The following MAP2 variants were observed in gnomAD, a reference collection of about 807,000 sequenced individuals.
MAP2 encodes the protein microtubule-associated protein 2.
Under a neutral mutation model 137.6 loss-of-function variants are expected in MAP2, and 14 were observed. The observed-to-expected ratio is 0.10, with a 90% CI of 0.07 to 0.16. The LOEUF is 0.16. MAP2 is among the 10% of genes least tolerant of loss of function. MAP2 has a pLI of 1.00. For missense variants in MAP2, 2,088 were observed against 2,191.5 expected (o/e 0.95, Z 0.94); for synonymous variants, 786 against 782.3 (o/e 1.00, Z -0.08).
intron 11 of MAP2, 21 bp downstream of exon 11, chr2:209,700,359 C>T (rs1199297513): frequency 6.3e-7 from 1 of 1,591,252 alleles, no homozygotes; most frequent in Middle Eastern, 1.7e-4. Context: ...TAAGTTTTTC[C>T]TTGTTCTTCA....
chr2:209,474,980 C>G (rs1044273933), intron 1 of MAP2, among the ~76,000 whole-genome samples: 2 of 151,932 alleles, frequency 1.3e-5, no homozygotes, highest in African/African-American at 4.8e-5. Context: ...GGTTTTCACT[C>G]TAGTATTATT....
At chr2:209,514,193 G>C (rs1051759519) in intron 2 of MAP2, among the ~76,000 whole-genome samples, 1 of 151,792 alleles carries the variant, frequency 6.6e-6, no homozygotes, top group East Asian at 1.9e-4. Flanking sequence ...TTAATACAAA[G>C]ATATTAATAT....
intron 1 of MAP2, among the ~76,000 whole-genome samples, chr2:209,499,773 G>C (rs1470268582): frequency 6.6e-6 from 1 of 152,086 alleles, no homozygotes; most frequent in Non-Finnish European, 1.5e-5. Flanking sequence ...GAGACAGGGG[G>C]TGGGGAGGAA....
intron 1 of MAP2, among the ~76,000 whole-genome samples, chr2:209,448,479 G>T (rs1019543346): frequency 2.0e-5 from 3 of 152,088 alleles, no homozygotes; most frequent in Admixed American, 1.3e-4. Context: ...TCTTGTAGCT[G>T]CCATAAGAAA....
chr2:209,500,588 T>C (rs2060254910), intron 1 of MAP2, among the ~76,000 whole-genome samples: 2 of 152,152 alleles, frequency 1.3e-5, no homozygotes, highest in Non-Finnish European at 2.9e-5. Context: ...CTTGTGACAA[T>C]AGGAATTTTT....
chr2:209,543,115 C>A (rs1292634933), intron 2 of MAP2, among the ~76,000 whole-genome samples: 1 of 152,016 alleles, frequency 6.6e-6, no homozygotes, highest in Non-Finnish European at 1.5e-5. Flanking sequence ...ATTTAAAAGT[C>A]ATGGTAGAGT....
intron 13 of MAP2, among the ~76,000 whole-genome samples, chr2:209,723,957 C>A (rs947760353): frequency 2.0e-5 from 3 of 152,172 alleles, no homozygotes; most frequent in Non-Finnish European, 4.4e-5. Context: ...AATGGCAAAA[C>A]CACTTCACTT....
intron 2 of MAP2, among the ~76,000 whole-genome samples, chr2:209,545,446 T>C (rs2067861035): frequency 6.6e-6 from 1 of 152,162 alleles, no homozygotes; most frequent in Non-Finnish European, 1.5e-5. Flanking sequence ...AGTGTAGAGC[T>C]TTGAATAAAC....
chr2:209,654,465 T>C lies in MAP2; in HGVS notation c.262+1033T>C, dbSNP rs1350371288. Reference sequence around the variant, plus strand: ...GTGGTTGAGAATAAAATAAAAATATTATTTGCACATTTCATGGTTACAATG... The same window carrying C: ...GTGGTTGAGAATAAAATAAAAATATCATTTGCACATTTCATGGTTACAATG... On this transcript the variant is annotated intron_variant, in intron 5 of 15. Coordinates refer to ENST00000682079, the MANE Select transcript of MAP2 (RefSeq NM_001375505.1). 2.0e-5 allele frequency among the ~76,000 whole-genome samples: 3 copies of C among 152,212 alleles called. No homozygotes were observed. In the South Asian group the frequency reaches 6.2e-4, roughly 32 times the overall value.
intron 2 of MAP2, among the ~76,000 whole-genome samples, chr2:209,576,417 T>A (rs1292771268): frequency 9.3e-5 from 14 of 151,300 alleles, no homozygotes; most frequent in Admixed American, 9.2e-4. Context: ...CTAATTTTTG[T>A]ATTTTTTTTT....
At chr2:209,534,485 G>T (rs78283995) in intron 2 of MAP2, among the ~76,000 whole-genome samples, 3 of 152,074 alleles carry the variant, frequency 2.0e-5, no homozygotes, top group Non-Finnish European at 4.4e-5. Context: ...ACGGGGGTGG[G>T]TGGGAGGCAG....
chr2:209,588,231 A>C (rs181474361), intron 3 of MAP2, among the ~76,000 whole-genome samples: 2 of 152,352 alleles, frequency 1.3e-5, no homozygotes, highest in East Asian at 3.9e-4. Context: ...TCAATTGTTA[A>C]GAGTCTCAGA....
At chr2:209,677,362 ATAGG>A (rs897495487) in intron 5 of MAP2, among the ~76,000 whole-genome samples, 12 of 151,826 alleles carry the variant, frequency 7.9e-5, no homozygotes, top group Admixed American at 3.9e-4. Flanking sequence ...AGGCAGGCAG[ATAGG>A]TAGGTAGATA....
chr2:209,478,846 G>A (rs557607215), intron 1 of MAP2, among the ~76,000 whole-genome samples: 6 of 152,178 alleles, frequency 3.9e-5, no homozygotes, highest in South Asian at 2.1e-4. Context: ...GAAATTGCCC[G>A]TATTTTCATC....
At chr2:209,606,255 T>G (rs544237063) in intron 3 of MAP2, among the ~76,000 whole-genome samples, 2 of 152,322 alleles carry the variant, frequency 1.3e-5, no homozygotes, top group East Asian at 3.9e-4. Flanking sequence ...TGAAGACTGT[T>G]TCTAAATATG....
At chr2:209,675,237 TA>T (rs1341884458) in intron 5 of MAP2, among the ~76,000 whole-genome samples, 5 of 151,912 alleles carry the variant, frequency 3.3e-5, no homozygotes, top group African/African-American at 7.2e-5. Context: ...TCCCTTGGAT[TA>T]TTTTTTTTAA....
At chr2:209,711,413 TG>T (rs2153771843) in intron 13 of MAP2, among the ~76,000 whole-genome samples, 1 of 152,270 alleles carries the variant, frequency 6.6e-6, no homozygotes, top group South Asian at 2.1e-4. Flanking sequence ...TTTATGGCTC[TG>T]TAAGGGAAAG....
chr2:209,729,930 G>A lies in MAP2; in HGVS notation c.5236G>A (p.Ala1746Thr), dbSNP rs1479300687. 1 of 1,612,672 alleles carries A rather than the reference G, an allele frequency of 6.2e-7. No homozygotes were observed. ...AQAKVGSLDN[A>T]HHVPGGGNVK... is the part of the protein sequence containing the mutation. ...AGCTAAAGTTGGTTCTCTTGATAAT[G>A]CTCATCATGTACCTGGAGGTGGTAA... The change falls in exon 15 of 16, where the codon GCT becomes ACT. Residue 1746 changes from alanine to threonine, a missense_variant. Around this residue, in one of 6 missense-constraint regions of MAP2, gnomAD observed 112 missense variants for 201.0 expected, o/e 0.56. Coordinates refer to ENST00000682079, the MANE Select transcript of MAP2 (RefSeq NM_001375505.1).
chr2:209,695,886 T>C lies in MAP2; in HGVS notation c.3716T>C (p.Ile1239Thr), dbSNP rs200437236. 2.5e-6 allele frequency: 4 copies of C among 1,613,954 alleles called. No homozygotes were observed. The highest frequency in any genetic ancestry group is 3.4e-6 in the Non-Finnish European group (4 of 1,180,006). Residue 1239 changes from isoleucine to threonine, a missense_variant, in exon 8 of 16, where the codon ATA becomes ACA. Coordinates refer to ENST00000682079, the MANE Select transcript of MAP2 (RefSeq NM_001375505.1). ...GAGATTCAGAGTGAGGAAGAAGAGA[T>C]AGAAGCCCAGGGAGAATATGATAAA... ...PAEIQSEEEE[I>T]EAQGEYDKLL...
Sources: gnomAD v4.1 joint callset for allele counts (sites outside exome capture counted in the v4.1 genomes callset) on GRCh38, gnomAD v4.1.1 for gene constraint, gnomAD v4.1.1 regional missense constraint, MANE v1.5 for transcripts, NCBI Gene and HGNC (gene_info 2026-07-23, HGNC 2026-07-21) for gene names.